The following STX11 variants were observed in gnomAD, a reference collection of about 807,000 sequenced individuals.
STX11 encodes syntaxin-11.
Under a neutral mutation model 19.9 loss-of-function variants are expected in STX11, and 21 were observed. That is an observed-to-expected ratio of 1.06 (90% CI 0.75 to 1.52). STX11 has a LOEUF of 1.52. STX11 is among the 40% of genes most tolerant of loss of function. The pLI is 0.00. For missense variants in STX11, 438 were observed against 405.9 expected, an observed-to-expected ratio of 1.08 and a Z score of -0.68; for synonymous variants, 193 against 174.4, an observed-to-expected ratio of 1.11 and a Z score of -0.84.
chr6:144,149,325 A>AT (rs202125594), upstream of STX11, among the ~76,000 whole-genome samples: 3 of 151,242 alleles, frequency 2.0e-5, no homozygotes, highest in Non-Finnish European at 3.0e-5. This position sits in a 1 kb window ranked among gnomAD's most constrained non-coding sequence, Gnocchi z 5.1. Context: ...AGACTCATGG[A>AT]TTTTTTTACT....
chr6:144,181,843 T>A (rs1801920058), intron 1 of STX11, among the ~76,000 whole-genome samples: 1 of 152,158 alleles, frequency 6.6e-6, no homozygotes, highest in Non-Finnish European at 1.5e-5. Flanking sequence ...TATTGCTCAA[T>A]GAAAAAAGGC....
At position 144,187,877 on chromosome 6, in the gene STX11, C is replaced by T; in HGVS notation, c.*386C>T. 2.8e-6 allele frequency: 1 copy of T among 359,284 alleles called. No individual in the cohort carries two copies. Among genetic ancestry groups the T allele is most frequent in the South Asian group, 4.6e-5 (1 of 21,726 alleles). 22.3% of individuals were successfully genotyped at this position (359,284 alleles called of 1,614,324 possible). ...ATTGGGCATCTGCTAATAGAATGAA[C>T]TCATGATGGAAACTTCAGTTCATTT... is the stretch of plus-strand genomic sequence containing the variant. On this transcript the variant is annotated 3_prime_UTR_variant, in exon 2 of 2. Transcript: ENST00000367568. This position sits in a 1 kb window ranked among gnomAD's most constrained non-coding sequence, Gnocchi z 5.6.
rs988956719 is a variant in STX11 at position 144,180,840 on chromosome 6, G to T, written c.-5-5783G>T. Among the ~76,000 whole-genome samples, 4 of 152,154 alleles carry T rather than the reference G, an allele frequency of 2.6e-5. No homozygotes were observed. The highest frequency in any genetic ancestry group is 9.7e-5 in the African/African-American group (4 of 41,412). On this transcript the variant is annotated intron_variant, in intron 1 of 1. Coordinates refer to ENST00000367568, the MANE Select transcript of STX11 (RefSeq NM_003764.4). The surrounding 1 kb of genome is among the most constrained non-coding windows in gnomAD (Gnocchi z 5.3). ...CAAATATAGTAGGCTATTCAAAGCAGGATCTAGGTCTCAATGGCTAGAATA... is the reference window on the plus strand; with the variant it reads ...CAAATATAGTAGGCTATTCAAAGCATGATCTAGGTCTCAATGGCTAGAATA...
chr6:144,187,324 G>A lies in STX11; in HGVS notation c.697G>A (p.Val233Met). 1 of 1,611,314 alleles carries A rather than the reference G, an allele frequency of 6.2e-7. No individual in the cohort carries two copies. The change falls in exon 2 of 2, where the codon GTG becomes ATG. Residue 233 changes from valine to methionine, a missense_variant. By Grantham distance (21) the Val-to-Met change is conservative (BLOSUM62 1). Transcript: ENST00000367568. The surrounding 1 kb of genome is among the most constrained non-coding windows in gnomAD (Gnocchi z 5.6). ...DVHELFLQMA[V>M]LVEKQADTLN... is the part of the protein sequence containing the mutation. ...ACACGAGCTCTTCTTGCAGATGGCG[G>A]TGCTGGTGGAGAAGCAGGCCGACAC...
At position 144,186,908 on chromosome 6, in the gene STX11, A is replaced by C. The variant is rs371402170; in HGVS notation, c.281A>C (p.Lys94Thr). ...ACCAACTCCATCGCCAAGGCCATCA[A>C]GGCCCGGGGCGAGGTCATCCACTGC... is the stretch of plus-strand genomic sequence containing the variant. ...RDTNSIAKAI[K>T]ARGEVIHCKL... is the part of the protein sequence containing the mutation. Residue 94 changes from lysine (K) to threonine (T), a missense_variant, in exon 2 of 2, where the codon AAG becomes ACG. Physicochemically the swap from Lys to Thr is moderately conservative, Grantham distance 78. Coordinates refer to ENST00000367568, the MANE Select transcript of STX11 (RefSeq NM_003764.4). The C allele has an allele frequency of 6.2e-7, 1 of 1,611,198 alleles. No homozygotes were observed. The highest frequency in any genetic ancestry group is 1.3e-5 in the African/African-American group (1 of 74,952).
rs1418780207 is a variant in STX11, at chr6:144,188,842, T to C, written c.*1351T>C. Among the ~76,000 whole-genome samples the C allele has an allele frequency of 1.3e-5, 2 of 149,960 alleles. No homozygotes were observed. The highest frequency in any genetic ancestry group is 4.9e-5 in the African/African-American group (2 of 40,624). On this transcript the variant is annotated 3_prime_UTR_variant, in exon 2 of 2. Transcript: ENST00000367568. ...CCCAGGTTCGAGCGATTCTCCTGAC[T>C]CAGCCTCCTGAGAAGTTGGGACTCT...
intron 1 of STX11, among the ~76,000 whole-genome samples, chr6:144,179,193 C>G (rs1047369025): frequency 6.6e-6 from 1 of 152,158 alleles, no homozygotes; most frequent in African/African-American, 2.4e-5. Flanking sequence ...CATCAGATCT[C>G]ATGACACTTA....
rs747288617 is a variant in STX11, at chr6:144,155,940, ATCTTTCTTTCTTTCTT to A, written c.-6+5297_-6+5312del. On this transcript the variant is annotated intron_variant, in intron 1 of 1. Coordinates refer to ENST00000367568, the MANE Select transcript of STX11 (RefSeq NM_003764.4). This position sits in a 1 kb window ranked among gnomAD's most constrained non-coding sequence, Gnocchi z 4.5. ...CTAATTAAATGTGTTTTAAAATTTA[ATCTTTCTTTCTTTCTT>A]TCTTTCTTTCTTTCTTTCTTTCTTT... 0.11 allele frequency among the ~76,000 whole-genome samples: 13,673 copies of A among 119,188 alleles called. 1,123 individuals are homozygous for A. Among genetic ancestry groups the A allele is most frequent in the Middle Eastern group, 0.19 (48 of 256 alleles). 78.2% of individuals were successfully genotyped at this position (119,188 alleles called of 152,430 possible).
chr6:144,142,099 C>A, the STX11 span, among the ~76,000 whole-genome samples: 2 of 151,416 alleles, frequency 1.3e-5, no homozygotes, highest in African/African-American at 2.4e-5. Context: ...GGACAGTGGA[C>A]AGGAGGCTAT....
chr6:144,157,484 G>A (rs111295330), intron 1 of STX11, among the ~76,000 whole-genome samples: 1 of 152,164 alleles, frequency 6.6e-6, no homozygotes, highest in Non-Finnish European at 1.5e-5. Context: ...AGCCAAGAGA[G>A]CATTCTCCTC....
chr6:144,150,405 C>G (rs1800966944), upstream of STX11: 1 of 827,476 alleles, frequency 1.2e-6, no homozygotes, highest in South Asian at 5.5e-5. Context: ...GGGCGGGAAC[C>G]CGCGCTCTGT....
Position 144,151,427 on chromosome 6 carries a change from G to C in STX11, c.-6+724G>C, listed in dbSNP as rs1176943600. On this transcript the variant is annotated intron_variant, in intron 1 of 1. Coordinates refer to ENST00000367568, the MANE Select transcript of STX11 (RefSeq NM_003764.4). The surrounding 1 kb of genome is among the most constrained non-coding windows in gnomAD (Gnocchi z 4.6). ...ACAGGTATCCAAAAATGAGTCACAG[G>C]GCTGCTCTCTTAATTGTGAGACTTT... The C allele has an allele frequency of 1.0e-6, 1 of 985,206 alleles. No homozygotes were observed. The highest frequency in any genetic ancestry group is 4.7e-5 in the South Asian group (1 of 21,286). The allele number at this position is 985,206 out of a possible 1,614,324, so 61.0% of individuals were successfully genotyped here. A position where few individuals can be genotyped will look rare whatever the true frequency, so the allele number is the denominator to read the frequency against.
chr6:144,185,064 G>C (rs763008225), intron 1 of STX11, among the ~76,000 whole-genome samples: 14 of 152,142 alleles, frequency 9.2e-5, no homozygotes, highest in Admixed American at 5.2e-4. Context: ...CCCCATCCGT[G>C]AGAAGGTCTG....
chr6:144,142,253 T>C, the STX11 span, among the ~76,000 whole-genome samples: 1 of 152,088 alleles, frequency 6.6e-6, no homozygotes, highest in Non-Finnish European at 1.5e-5. Flanking sequence ...ATCTTTAATA[T>C]TGGTATCAGC....
At chr6:144,186,215 T>C (rs943302376) in intron 1 of STX11, among the ~76,000 whole-genome samples, 9 of 149,472 alleles carry the variant, frequency 6.0e-5, no homozygotes, top group African/African-American at 2.0e-4. Context: ...ATACCTAATG[T>C]AAATGATGAG....
chr6:144,150,499 G>C, upstream of STX11: 1 of 985,346 alleles, frequency 1.0e-6, no homozygotes, highest in Non-Finnish European at 1.2e-6. Flanking sequence ...AGCGGCGGGG[G>C]CTGAGCCGGC....
rs1013688902 is a variant in STX11, at chr6:144,162,968, C to G, written c.-6+12265C>G. ...AGGTTCATTGTCTTATTCTAGTTTGCTCAGTGCTAGGAGTCCCATACAGGC... is the reference window on the plus strand; with the variant it reads ...AGGTTCATTGTCTTATTCTAGTTTGGTCAGTGCTAGGAGTCCCATACAGGC... On this transcript the variant is annotated intron_variant, in intron 1 of 1. Coordinates refer to ENST00000367568, the MANE Select transcript of STX11 (RefSeq NM_003764.4). This position sits in a 1 kb window ranked among gnomAD's most constrained non-coding sequence, Gnocchi z 4.6. Among the ~76,000 whole-genome samples, 1 of 152,170 alleles carries G rather than the reference C, an allele frequency of 6.6e-6. No individual in the cohort carries two copies. The highest frequency in any genetic ancestry group is 6.5e-5 in the Admixed American group (1 of 15,276).
In STX11 at chr6:144,188,013, TC is replaced by T. The variant is rs1373823112; in HGVS notation, c.*526del. On this transcript the variant is annotated 3_prime_UTR_variant, in exon 2 of 2. Transcript: ENST00000367568. ...CATCCGGTCTACGCTATGCAATTCC[TC>T]CCCAAATATAGATCTTATTTCTGCT... 2.4e-5 allele frequency: 6 copies of T among 250,270 alleles called. No individual in the cohort carries two copies. In the Admixed American group the frequency reaches 3.2e-4, roughly 13 times the overall value. 15.5% of individuals were successfully genotyped at this position (250,270 alleles called of 1,614,324 possible).
chr6:144,170,086 ATTT>A lies in STX11; in HGVS notation c.-5-16534_-5-16532del, dbSNP rs2128751388. ...TATAAGGTGGTCATTCCAACACCAT[ATTT>A]TTCTGTCTGGTTTCTCCAATAGCTT... On this transcript the variant is annotated intron_variant, in intron 1 of 1. Transcript: ENST00000367568. This position sits in a 1 kb window ranked among gnomAD's most constrained non-coding sequence, Gnocchi z 4.7. 6.6e-6 allele frequency among the ~76,000 whole-genome samples: 1 copy of A among 152,200 alleles called. No individual in the cohort carries two copies. The highest frequency in any genetic ancestry group is 2.4e-5 in the African/African-American group (1 of 41,518).
Sources: allele counts gnomAD v4.1 joint callset (sites outside exome capture counted in the v4.1 genomes callset), GRCh38; gene constraint gnomAD v4.1.1; non-coding constraint Gnocchi (gnomAD v3.1); transcripts MANE v1.5; gene names NCBI Gene and HGNC (gene_info 2026-07-23, HGNC 2026-07-21).